RBM27: variants seen among roughly 807,000 people sequenced by gnomAD.
The protein encoded by RBM27 is RNA-binding protein 27.
In RBM27, 22 loss-of-function variants were observed where a neutral mutation model predicts 135.3. The observed-to-expected ratio is 0.16, with a 90% CI of 0.12 to 0.23. The LOEUF (loss-of-function observed/expected upper bound fraction) is 0.23, where lower values mean the gene tolerates loss of function less well. RBM27 is among the 10% of genes least tolerant of loss of function. The pLI is 1.00. For missense variants in RBM27, 1,009 were observed against 1,281.0 expected, an observed-to-expected ratio of 0.79 and a Z score of 3.24; for synonymous variants, 481 against 442.4, an observed-to-expected ratio of 1.09 and a Z score of -1.10.
chr5:146,251,893 T>C lies in RBM27; in HGVS notation c.1444+18T>C. 5.0e-6 allele frequency: 8 copies of C among 1,611,122 alleles called. No homozygotes were observed. Among genetic ancestry groups the C allele is most frequent in the Non-Finnish European group, 6.8e-6 (8 of 1,177,480 alleles). On this transcript the variant is annotated intron_variant, in intron 9 of 20. Coordinates refer to ENST00000265271, the MANE Select transcript of RBM27 (RefSeq NM_018989.2). The stretch of plus-strand genomic sequence containing the variant: ...GGTTCCAGGTAAGCTTTGCTACAGA[T>C]GGCCATCCACCTCACTGATCTTTTT...
At chr5:146,246,695 A>ACAT (rs1757638794) in intron 8 of RBM27, among the ~76,000 whole-genome samples, 1 of 152,148 alleles carries the variant, frequency 6.6e-6, no homozygotes, top group Non-Finnish European at 1.5e-5. Context: ...TCTCAAATTT[A>ACAT]AAAGAGAAAA....
intron 8 of RBM27, chr5:146,245,234 C>T (rs753021484): frequency 6.6e-6 from 1 of 151,636 alleles, no homozygotes; most frequent in Non-Finnish European, 1.5e-5. Flanking sequence ...TAGAGAAAAT[C>T]TTAAAGAGCT....
In RBM27 at chr5:146,230,737, A is replaced by G. The variant is rs753554656; in HGVS notation, c.670A>G (p.Asn224Asp). The G allele has an allele frequency of 6.2e-6, 10 of 1,613,888 alleles. No individual in the cohort carries two copies. Among genetic ancestry groups the G allele is most frequent in the African/African-American group, 2.7e-5 (2 of 74,878 alleles). ...SYVPVSAPPPNSSEQYSSGAQ... is the reference protein window; with the variant it reads ...SYVPVSAPPPDSSEQYSSGAQ... The stretch of plus-strand genomic sequence containing the variant: ...TGTGCCTGTGTCTGCACCACCTCCA[A>G]ACTCTTCTGAGCAGTATTCCTCTGG... The change falls in exon 6 of 21, where the codon AAC (asparagine) becomes GAC (aspartate). Residue 224 changes from asparagine to aspartate, a missense_variant. Transcript: ENST00000265271.
At chr5:146,280,687 C>G (rs1261051248) in intron 19 of RBM27, among the ~76,000 whole-genome samples, 1 of 152,038 alleles carries the variant, frequency 6.6e-6, no homozygotes, top group Non-Finnish European at 1.5e-5. Flanking sequence ...ATTTGTAACC[C>G]CAAAATCAAT....
intron 18 of RBM27, 78 bp from the exon 19 acceptor site, chr5:146,271,400 CAAAAA>C: frequency 9.9e-7 from 1 of 1,014,974 alleles, no homozygotes; most frequent in Non-Finnish European, 1.3e-6. Context: ...AATTCCATCT[CAAAAA>C]AAAAAAAAAA....
chr5:146,239,477 T>TC (rs1561541487), intron 8 of RBM27, among the ~76,000 whole-genome samples: 7 of 140,204 alleles, frequency 5.0e-5, no homozygotes, highest in African/African-American at 1.7e-4. Context: ...CTTTTCTTTT[T>TC]TTTTTTTTTT....
At chr5:146,228,230 ATAT>A (rs1756759613) in intron 3 of RBM27, among the ~76,000 whole-genome samples, 2 of 150,672 alleles carry the variant, frequency 1.3e-5, no homozygotes, top group South Asian at 2.1e-4. Context: ...TGCGCCAGAA[ATAT>A]TATCAGGTAG....
chr5:146,258,016 C>T (rs1299967119), intron 10 of RBM27, among the ~76,000 whole-genome samples: 4 of 151,862 alleles, frequency 2.6e-5, no homozygotes, highest in African/African-American at 9.7e-5. Flanking sequence ...ATGGGGTTTC[C>T]CCATGTTGGT....
intron 8 of RBM27, among the ~76,000 whole-genome samples, chr5:146,246,835 A>C (rs544261802): frequency 1.4e-5 from 2 of 140,232 alleles, no homozygotes; most frequent in Admixed American, 7.1e-5. Context: ...TCCATAACCT[A>C]CTCCTGACTT....
chr5:146,249,180 G>A (rs1322842687), intron 8 of RBM27, among the ~76,000 whole-genome samples: 5 of 151,222 alleles, frequency 3.3e-5, no homozygotes, highest in Non-Finnish European at 5.9e-5. Flanking sequence ...ACAGAGTCTC[G>A]GTATGTTACT....
chr5:146,238,041 G>A (rs147373845), intron 8 of RBM27, among the ~76,000 whole-genome samples: 4,144 of 152,180 alleles, frequency 0.027, 72 homozygotes, highest in South Asian at 0.066. Flanking sequence ...TAAAAAAATT[G>A]TTTATCTGAT....
intron 2 of RBM27, among the ~76,000 whole-genome samples, chr5:146,221,657 C>A (rs1293031670): frequency 1.3e-5 from 2 of 152,174 alleles, no homozygotes; most frequent in African/African-American, 2.4e-5. Context: ...GTCTCAAACT[C>A]CTGGCCTCAA....
chr5:146,271,710 A>G (rs202127860), intron 19 of RBM27, 36 bp downstream of exon 19: 1 of 1,542,612 alleles, frequency 6.5e-7, no homozygotes, highest in South Asian at 1.1e-5. Flanking sequence ...AACTGTAAAA[A>G]CACTGTGCTC....
intron 8 of RBM27, among the ~76,000 whole-genome samples, chr5:146,241,295 TAATA>T (rs1403917565): frequency 2.0e-5 from 3 of 152,232 alleles, no homozygotes; most frequent in South Asian, 2.1e-4. Flanking sequence ...TGACTTAGCT[TAATA>T]AATAAATTAA....
intron 8 of RBM27, among the ~76,000 whole-genome samples, chr5:146,248,748 G>A (rs1757744925): frequency 6.6e-6 from 1 of 152,204 alleles, no homozygotes; most frequent in Non-Finnish European, 1.5e-5. Flanking sequence ...TCACAGGTGT[G>A]AGCCATCGTG....
At chr5:146,229,971 G>A (rs1756862650) in intron 5 of RBM27, 61 bp downstream of exon 5, 2 of 1,574,470 alleles carry the variant, frequency 1.3e-6, no homozygotes, top group Admixed American at 3.5e-5. Flanking sequence ...TATCACAGGG[G>A]TGCAAGAAAT....
At chr5:146,276,359 G>T (rs554571565) in intron 19 of RBM27, among the ~76,000 whole-genome samples, 1 of 152,234 alleles carries the variant, frequency 6.6e-6, no homozygotes, top group Admixed American at 6.5e-5. Flanking sequence ...AAAGTAAGAG[G>T]TTTATCTCTA....
At chr5:146,256,913 A>G (rs932627973) in intron 10 of RBM27, among the ~76,000 whole-genome samples, 46 of 152,236 alleles carry the variant, frequency 3.0e-4, no homozygotes, top group African/African-American at 1.0e-3. Flanking sequence ...AAAAAAAAGC[A>G]TTAGGCAATG....
chr5:146,268,279 G>A (rs1324751181), intron 15 of RBM27, among the ~76,000 whole-genome samples: 3 of 138,480 alleles, frequency 2.2e-5, no homozygotes, highest in Non-Finnish European at 4.6e-5. Flanking sequence ...TTTTGCTCTT[G>A]TTGCCCAGGC....
Sources: allele counts gnomAD v4.1 joint callset (sites outside exome capture counted in the v4.1 genomes callset), GRCh38; gene constraint gnomAD v4.1.1; transcripts MANE v1.5; gene names NCBI Gene and HGNC (gene_info 2026-07-23, HGNC 2026-07-21).